The following CEP44 variants were observed in gnomAD, a reference collection of about 807,000 sequenced individuals.
The protein encoded by CEP44 is centrosomal protein of 44 kDa.
Under a neutral mutation model 46.7 loss-of-function variants are expected in CEP44, and 45 were observed. The observed-to-expected ratio is 0.96, with a 90% CI of 0.76 to 1.24. CEP44 has a LOEUF of 1.24. Ranked by LOEUF, CEP44 falls within the 50% of genes most tolerant of loss-of-function variation. The pLI is 0.00. For missense variants in CEP44, 475 were observed against 459.7 expected (o/e 1.03, Z -0.30); for synonymous variants, 142 against 146.0 (o/e 0.97, Z 0.20).
rs566639929 is a variant in CEP44 at position 174,317,932 on chromosome 4, T to G, written c.*549T>G. On this transcript the variant is annotated 3_prime_UTR_variant, in exon 12 of 12. Coordinates refer to ENST00000503780, the MANE Select transcript of CEP44 (RefSeq NM_001040157.3). Reference sequence around the variant, plus strand: ...ACCTTTCCAATTAACACTGAGAAATTAAGGTTAAGATTCTCCTTTTGTACT... The same window carrying G: ...ACCTTTCCAATTAACACTGAGAAATGAAGGTTAAGATTCTCCTTTTGTACT... 3 of 985,458 alleles carry G rather than the reference T, an allele frequency of 3.0e-6. No homozygotes were observed. In the African/African-American group the frequency reaches 5.2e-5, roughly 17 times the overall value. 61.0% of individuals were successfully genotyped at this position (985,458 alleles called of 1,614,324 possible).
intron 4 of CEP44, 51 bp from the exon 5 acceptor site, chr4:174,303,652 T>G (rs1019627791): frequency 1.6e-6 from 2 of 1,286,378 alleles, no homozygotes; most frequent in Non-Finnish European, 2.1e-6. Flanking sequence ...TCATTTGGAA[T>G]TTTAGAAATA....
chr4:174,283,981 A>G lies in CEP44; in HGVS notation c.-148+38A>G, dbSNP rs979059623. On this transcript the variant is annotated intron_variant, in intron 1 of 11. Coordinates refer to ENST00000503780, the MANE Select transcript of CEP44 (RefSeq NM_001040157.3). This position sits in a 1 kb window ranked among gnomAD's most constrained non-coding sequence, Gnocchi z 6.7. Reference sequence around the variant, plus strand: ...CAGGAACCCACAATTCCAAATACAAACGGTCGGCGCGAGAAGCGCTTCTGG... The same window carrying G: ...CAGGAACCCACAATTCCAAATACAAGCGGTCGGCGCGAGAAGCGCTTCTGG... 3 of 399,610 alleles carry G rather than the reference A, an allele frequency of 7.5e-6. No individual in the cohort carries two copies. The highest frequency in any genetic ancestry group is 4.1e-5 in the African/African-American group (2 of 48,646). 24.8% of individuals were successfully genotyped at this position (399,610 alleles called of 1,614,324 possible).
chr4:174,327,846 A>G (rs1731064809), intron 8 of CEP44, among the ~76,000 whole-genome samples: 1 of 152,212 alleles, frequency 6.6e-6, no homozygotes, highest in Admixed American at 6.6e-5. Context: ...AAAGGACTGT[A>G]AACAGTAATA....
Position 174,312,992 on chromosome 4 carries a change from T to G in CEP44, c.961+2134T>G, listed in dbSNP as rs145516635. Among the ~76,000 whole-genome samples the G allele has an allele frequency of 1.3e-5, 2 of 152,086 alleles. No homozygotes were observed. Among genetic ancestry groups the G allele is most frequent in the Non-Finnish European group, 1.5e-5 (1 of 68,006 alleles). ...CAGAGGCTTTTAGGGATTGGACTTG[T>G]GTTGGATAATTTTGGAGAGGGTTTG... On this transcript the variant is annotated intron_variant, in intron 9 of 11. Coordinates refer to ENST00000503780, the MANE Select transcript of CEP44 (RefSeq NM_001040157.3). The surrounding 1 kb of genome is among the most constrained non-coding windows in gnomAD (Gnocchi z 4.5).
intron 1 of CEP44, among the ~76,000 whole-genome samples, chr4:174,289,790 C>G (rs911609552): frequency 6.7e-6 from 1 of 148,702 alleles, no homozygotes; most frequent in Non-Finnish European, 1.5e-5. Flanking sequence ...TTAGTTTGTT[C>G]TTTTTCTAGT....
rs1013386574 is a variant in CEP44, at chr4:174,329,386, TTTTTAG to T, written c.1087-2095_1087-2090del. The stretch of plus-strand genomic sequence containing the variant: ...TTTTAATAGGAGTTAATTATAAGAA[TTTTTAG>T]AAAAGTTGTTAGCACTTTCCCTCTT... On this transcript the variant is annotated intron_variant, in intron 8 of 8. Coordinates refer to the CEP44 transcript ENST00000426172. The surrounding 1 kb of genome is among the most constrained non-coding windows in gnomAD (Gnocchi z 4.0). Among the ~76,000 whole-genome samples, 1 of 152,028 alleles carries T rather than the reference TTTTTAG, an allele frequency of 6.6e-6. No homozygotes were observed. Among genetic ancestry groups the T allele is most frequent in the Non-Finnish European group, 1.5e-5 (1 of 67,984 alleles).
In CEP44 at chr4:174,317,312, ATATAT is replaced by A. The variant is rs1201624211; in HGVS notation, c.1125-19_1125-15del. The A allele has an allele frequency of 1.0e-6, 1 of 969,292 alleles. No homozygotes were observed. Among genetic ancestry groups the A allele is most frequent in the Non-Finnish European group, 1.5e-6 (1 of 682,306 alleles). The allele number at this position is 969,292 out of a possible 1,614,324, so 60.0% of individuals were successfully genotyped here. On this transcript the variant is annotated intron_variant, in intron 11 of 11. Coordinates refer to ENST00000503780, the MANE Select transcript of CEP44 (RefSeq NM_001040157.3). The stretch of plus-strand genomic sequence containing the variant: ...TTATTATGAATTATTGATTTACTTA[ATATAT>A]TATTTATTATATTTCAGGTTTGAAG...
At chr4:174,315,613 T>C (rs1045021812) in intron 9 of CEP44, among the ~76,000 whole-genome samples, 1 of 152,066 alleles carries the variant, frequency 6.6e-6, no homozygotes, top group South Asian at 2.1e-4. Flanking sequence ...AATTCATGGA[T>C]ACTAATTATT....
In CEP44 at chr4:174,307,967, G is replaced by A. The variant is rs115898087; in HGVS notation, c.508-722G>A. Among the ~76,000 whole-genome samples, 1,286 of 152,212 alleles carry A rather than the reference G, an allele frequency of 8.4e-3. 20 individuals are homozygous for A. Among genetic ancestry groups the A allele is most frequent in the African/African-American group, 0.03 (1,236 of 41,530 alleles). On this transcript the variant is annotated intron_variant, in intron 6 of 11. Coordinates refer to ENST00000503780, the MANE Select transcript of CEP44 (RefSeq NM_001040157.3). ...AAAAGTCTAAAAATAACAGATGCTC[G>A]TGAGTTTGTGGAAGAAAAGGAACAT...
At chr4:174,315,240 T>A (rs1021979869) in intron 9 of CEP44, among the ~76,000 whole-genome samples, 1 of 152,096 alleles carries the variant, frequency 6.6e-6, no homozygotes, top group African/African-American at 2.4e-5. Context: ...TAATTTTTTT[T>A]TTTTTTTGCA....
intron 2 of CEP44, 78 bp downstream of exon 2, chr4:174,298,140 T>C (rs1185713162): frequency 6.6e-6 from 1 of 152,052 alleles, no homozygotes; most frequent in Admixed American, 6.6e-5. Context: ...AAATCTCCTG[T>C]AGTTCTTTTT....
rs1283580066 is a variant in CEP44 at position 174,320,123 on chromosome 4, A to G, written c.*2740A>G. 1 of 985,186 alleles carries G rather than the reference A, an allele frequency of 1.0e-6. No individual in the cohort carries two copies. Among genetic ancestry groups the G allele is most frequent in the Admixed American group, 6.2e-5 (1 of 16,254 alleles). 61.0% of individuals were successfully genotyped at this position (985,186 alleles called of 1,614,324 possible). On this transcript the variant is annotated 3_prime_UTR_variant, in exon 12 of 12. Transcript: ENST00000503780. ...CTCTGAATAGGTCTCGGTAAAGATT[A>G]TATGGAAATACTATAAAGAATACAT... is the stretch of plus-strand genomic sequence containing the variant.
At chr4:174,284,292 A>G (rs1400384440) in intron 1 of CEP44, 1 of 382,838 alleles carries the variant, frequency 2.6e-6, no homozygotes, top group Admixed American at 4.5e-5. Flanking sequence ...CCTTGCTTAT[A>G]TACCCAACTA....
rs988034365 is a variant in CEP44, at chr4:174,301,437, G to A, written c.90-602G>A. 6.6e-6 allele frequency among the ~76,000 whole-genome samples: 1 copy of A among 152,120 alleles called. No homozygotes were observed. The highest frequency in any genetic ancestry group is 1.9e-4 in the East Asian group (1 of 5,200). ...AAGCTTGAGATTTGATGAATGATTT[G>A]TAAAAAATAAATAATAATTGGATAA... On this transcript the variant is annotated intron_variant, in intron 3 of 11. Coordinates refer to ENST00000503780, the MANE Select transcript of CEP44 (RefSeq NM_001040157.3). This position sits in a 1 kb window ranked among gnomAD's most constrained non-coding sequence, Gnocchi z 4.3.
Position 174,318,511 on chromosome 4 carries a change from A to C in CEP44, c.*1128A>C. The C allele has an allele frequency of 1.3e-6, 1 of 763,554 alleles. No individual in the cohort carries two copies. 47.3% of individuals were successfully genotyped at this position (763,554 alleles called of 1,614,324 possible). On this transcript the variant is annotated 3_prime_UTR_variant, in exon 12 of 12. Coordinates refer to ENST00000503780, the MANE Select transcript of CEP44 (RefSeq NM_001040157.3). ...GAAATTTATTTTTAATATTACTACT[A>C]TATGAATTATCTTTTTTTAAACTTG...
At position 174,286,481 on chromosome 4, in the gene CEP44, G is replaced by A. The variant is rs12650503; in HGVS notation, c.-148+2538G>A. On this transcript the variant is annotated intron_variant, in intron 1 of 11. Coordinates refer to ENST00000503780, the MANE Select transcript of CEP44 (RefSeq NM_001040157.3). This position sits in a 1 kb window ranked among gnomAD's most constrained non-coding sequence, Gnocchi z 5.2. The stretch of plus-strand genomic sequence containing the variant: ...TTTTAAAGGAGCTTCATTCTCAAAG[G>A]GTTCATTACTCAAGGTATTGTTATG... Among the ~76,000 whole-genome samples, 1 of 151,964 alleles carries A rather than the reference G, an allele frequency of 6.6e-6. No homozygotes were observed. The highest frequency in any genetic ancestry group is 1.5e-5 in the Non-Finnish European group (1 of 67,984).
At position 174,325,960 on chromosome 4, in the gene CEP44, G is replaced by A. The variant is rs1012873387; in HGVS notation, c.1087-5522G>A. ...TTTTACTTTTAATGTATCTGAGTCT[G>A]TGCATTTAAAGTGGGTTTCCTGAAG... On this transcript the variant is annotated intron_variant, in intron 8 of 8. Transcript: ENST00000426172. This position sits in a 1 kb window ranked among gnomAD's most constrained non-coding sequence, Gnocchi z 4.4. Among the ~76,000 whole-genome samples, 1 of 151,988 alleles carries A rather than the reference G, an allele frequency of 6.6e-6. No homozygotes were observed. Among genetic ancestry groups the A allele is most frequent in the Admixed American group, 6.6e-5 (1 of 15,234 alleles).
exon 9 of CEP44, chr4:174,333,024 A>G (rs1211028010): frequency 9.9e-5 from 15 of 152,134 alleles, no homozygotes. Context: ...TACATTGGGC[A>G]CATAGGACAT....
rs975327237 is a variant in CEP44 at position 174,287,982 on chromosome 4, T to C, written c.-148+4039T>C. On this transcript the variant is annotated intron_variant, in intron 1 of 11. Transcript: ENST00000503780. The surrounding 1 kb of genome is among the most constrained non-coding windows in gnomAD (Gnocchi z 5.1). ...AAACTTTGGGTGAAAAGTGAAAACT[T>C]GGATTTTGTAGTCCAGGCCCTTAAT... Among the ~76,000 whole-genome samples, 3 of 152,156 alleles carry C rather than the reference T, an allele frequency of 2.0e-5. No individual in the cohort carries two copies. Among genetic ancestry groups the C allele is most frequent in the African/African-American group, 7.2e-5 (3 of 41,440 alleles).
Sources: gnomAD v4.1 joint callset for allele counts (sites outside exome capture counted in the v4.1 genomes callset) on GRCh38, gnomAD v4.1.1 for gene constraint, Gnocchi (gnomAD v3.1) non-coding constraint, MANE v1.5 for transcripts, NCBI Gene and HGNC (gene_info 2026-07-23, HGNC 2026-07-21) for gene names.